Variants in F5 observed in about 807,000 individuals in gnomAD.
F5 encodes activated protein c cofactor.
F5 carries 138 observed loss-of-function variants against 216.4 expected under a neutral mutation model. The ratio of observed to expected loss-of-function variants is 0.64; its 90% CI spans 0.56 to 0.73. F5 has a LOEUF of 0.73. Among genes scored for constraint, F5 ranks in the 30% least tolerant of loss-of-function variants. The pLI is 0.00. For synonymous variants in F5, 916 were observed against 930.7 expected (o/e 0.98, Z 0.29); for missense variants, 2,403 against 2,674.0 (o/e 0.90, Z 2.24).
chr1:169,515,918 G>C (rs1659146038), intron 23 of F5, among the ~76,000 whole-genome samples: 3 of 152,060 alleles, frequency 2.0e-5, no homozygotes, highest in Admixed American at 6.6e-5. Flanking sequence ...TCACCACAAT[G>C]TTAAGACACT....
At chr1:169,583,311 A>T (rs1440913044) in intron 1 of F5, among the ~76,000 whole-genome samples, 1 of 152,186 alleles carries the variant, frequency 6.6e-6, no homozygotes, top group Non-Finnish European at 1.5e-5. Context: ...TACCTTGCAA[A>T]TGTCTAAATC....
Position 169,555,184 on chromosome 1 carries a change from G to T in F5, c.1116C>A (p.Asp372Glu). The change falls in exon 7 of 25, where the codon GAC (aspartate) becomes GAA (glutamate). Residue 372 changes from aspartate (D) to glutamate (E), a missense_variant and splice_region_variant. Transcript: ENST00000367797. ...TGGTATGAACCCCAACAACTCACTT[G>T]TCCATATTCGCTGGTATTACAGGTG... ...DYAPVIPANMDKKYRSQHLDN... is the reference protein window; with the variant it reads ...DYAPVIPANMEKKYRSQHLDN... 2 of 1,614,040 alleles carry T rather than the reference G, an allele frequency of 1.2e-6. No individual in the cohort carries two copies. Among genetic ancestry groups the T allele is most frequent in the East Asian group, 4.5e-5 (2 of 44,872 alleles).
chr1:169,578,684 G>A (rs1660918666), intron 2 of F5, among the ~76,000 whole-genome samples: 1 of 152,082 alleles, frequency 6.6e-6, no homozygotes, highest in African/African-American at 2.4e-5. Context: ...TATTGTACAT[G>A]CTAAGCTTGG....
chr1:169,541,688 G>T lies in F5; in HGVS notation c.3402C>A (p.Asp1134Glu), dbSNP rs373880789. Residue 1134 changes from aspartate (D) to glutamate (E), a missense_variant, in exon 13 of 25, where the codon GAC (aspartate) becomes GAA (glutamate). Asp to Glu is a conservative substitution (Grantham distance 45). Coordinates refer to ENST00000367797, the MANE Select transcript of F5 (RefSeq NM_000130.5). ...EEHYQTFPIQ[D>E]PDQMHSTSDP... ...CTGAAGTAGAGTGCATTTGATCAGGGTCTTGAATGGGGAATGTTTGATAGT... is the reference window on the plus strand; with the variant it reads ...CTGAAGTAGAGTGCATTTGATCAGGTTCTTGAATGGGGAATGTTTGATAGT... The T allele has an allele frequency of 7.2e-5, 116 of 1,613,956 alleles. No individual in the cohort carries two copies. The Admixed American group carries it at 1.8e-3, about 25-fold the overall frequency.
Position 169,530,814 on chromosome 1 carries a change from G to A in F5, c.5180C>T (p.Ala1727Val). The A allele has an allele frequency of 1.2e-6, 2 of 1,613,910 alleles. No individual in the cohort carries two copies. The highest frequency in any genetic ancestry group is 1.7e-6 in the Non-Finnish European group (2 of 1,179,818). The change falls in exon 15 of 25, where the codon GCT (alanine) becomes GTT (valine). Residue 1727 changes from alanine (A) to valine (V), a missense_variant. Coordinates refer to ENST00000367797, the MANE Select transcript of F5 (RefSeq NM_000130.5). ...GTTCACAGCTGAGTAGTAGGCCCAA[G>A]CCCGACAGGCAGAGCCAGGACTTTC... ...GPESPGSACR[A>V]WAYYSAVNPE...
intron 3 of F5, among the ~76,000 whole-genome samples, chr1:169,561,520 A>C (rs1038991982): frequency 1.3e-5 from 2 of 152,138 alleles, no homozygotes; most frequent in African/African-American, 4.8e-5. Flanking sequence ...TATTAAAAGA[A>C]GTGTAGAGGG....
intron 23 of F5, among the ~76,000 whole-genome samples, chr1:169,518,004 G>A (rs770518179): frequency 6.6e-6 from 1 of 152,088 alleles, no homozygotes; most frequent in Non-Finnish European, 1.5e-5. Flanking sequence ...CCTGTTTTTT[G>A]TAAACAAAGT....
At position 169,544,921 on chromosome 1, in the gene F5, T is replaced by C. The variant is rs1659963809; in HGVS notation, c.1763-413A>G. On this transcript the variant is annotated intron_variant, in intron 11 of 24. Coordinates refer to ENST00000367797, the MANE Select transcript of F5 (RefSeq NM_000130.5). ...AATGTCCCTAAAAATAAAGCCCATT[T>C]AGCATATTTTATAGTTTTTATTGCT... Among the ~76,000 whole-genome samples the C allele has an allele frequency of 2.0e-5, 3 of 152,234 alleles. 1 individual carries two copies. The South Asian group carries it at 6.2e-4, about 32-fold the overall frequency.
At position 169,550,754 on chromosome 1, in the gene F5, C is replaced by A; in HGVS notation, c.1297-15G>T. 1 of 1,563,754 alleles carries A rather than the reference C, an allele frequency of 6.4e-7. No homozygotes were observed. ...TTGAACACGATCTACAAAGTTAAAT[C>A]AAATTTATTCTAGGATTTAAGGTTG... On this transcript the variant is annotated splice_polypyrimidine_tract_variant and intron_variant, in intron 8 of 24. Coordinates refer to ENST00000367797, the MANE Select transcript of F5 (RefSeq NM_000130.5).
chr1:169,547,701 C>T (rs1660047837), intron 10 of F5, among the ~76,000 whole-genome samples: 1 of 151,624 alleles, frequency 6.6e-6, no homozygotes, highest in African/African-American at 2.4e-5. Flanking sequence ...CAGATGTTGG[C>T]AAGGTTGTGG....
chr1:169,578,641 C>A (rs986626412), intron 2 of F5, among the ~76,000 whole-genome samples: 6 of 152,198 alleles, frequency 3.9e-5, no homozygotes, highest in African/African-American at 1.2e-4. Flanking sequence ...CATCTACCTA[C>A]AATTTAATTT....
At chr1:169,538,253 A>T (rs1424730429) in intron 13 of F5, among the ~76,000 whole-genome samples, 1 of 152,226 alleles carries the variant, frequency 6.6e-6, no homozygotes, top group African/African-American at 2.4e-5. Context: ...GTACTGCAGG[A>T]TCTCACTTAT....
intron 11 of F5, among the ~76,000 whole-genome samples, chr1:169,545,212 A>G (rs1056931826): frequency 6.6e-6 from 1 of 152,188 alleles, no homozygotes; most frequent in Non-Finnish European, 1.5e-5. Flanking sequence ...AATAATTTAC[A>G]TGATGTATTA....
chr1:169,531,458 A>G (rs1202953994), intron 14 of F5, among the ~76,000 whole-genome samples: 1 of 152,222 alleles, frequency 6.6e-6, no homozygotes, highest in Admixed American at 6.5e-5. Context: ...CTGGAGGAAC[A>G]ATTTGGTTGA....
At chr1:169,564,563 A>G (rs1660556855) in intron 3 of F5, among the ~76,000 whole-genome samples, 1 of 151,986 alleles carries the variant, frequency 6.6e-6, no homozygotes, top group African/African-American at 2.4e-5. Context: ...TCTGTTTTAT[A>G]TGTTTTGTCT....
At chr1:169,567,412 G>A (rs2187955) in intron 3 of F5, among the ~76,000 whole-genome samples, 90,428 of 151,724 alleles carry the variant, frequency 0.6, 28,375 homozygotes, top group East Asian at 0.87. Flanking sequence ...GGCCCCACCT[G>A]CTAATGCCAT....
chr1:169,570,703 C>T (rs1485196976), intron 3 of F5, among the ~76,000 whole-genome samples: 1 of 141,188 alleles, frequency 7.1e-6, no homozygotes, highest in Non-Finnish European at 1.6e-5. Context: ...TTAAAAATTA[C>T]TTTCTGATTT....
chr1:169,539,649 A>C (rs904040219), intron 13 of F5, among the ~76,000 whole-genome samples: 2 of 152,192 alleles, frequency 1.3e-5, no homozygotes, highest in Non-Finnish European at 2.9e-5. Context: ...GATTAGTGTA[A>C]CAGCTTTAGT....
chr1:169,583,366 T>C (rs1661030503), intron 1 of F5, among the ~76,000 whole-genome samples: 1 of 152,212 alleles, frequency 6.6e-6, no homozygotes, highest in South Asian at 2.1e-4. Flanking sequence ...GTGGGGACAG[T>C]GGCCCAGCCA....
Sources: gnomAD v4.1 joint callset for allele counts (sites outside exome capture counted in the v4.1 genomes callset) on GRCh38, gnomAD v4.1.1 for gene constraint, MANE v1.5 for transcripts, NCBI Gene and HGNC (gene_info 2026-07-23, HGNC 2026-07-21) for gene names.